Variants in SLCO1A2 observed in about 807,000 individuals in gnomAD.
The protein encoded by SLCO1A2 is solute carrier organic anion transporter family member 1A2.
SLCO1A2 carries 67 observed loss-of-function variants against 69.0 expected under a neutral mutation model. The ratio of observed to expected loss-of-function variants is 0.97; its 90% CI spans 0.80 to 1.19. The LOEUF (loss-of-function observed/expected upper bound fraction) is 1.19, where lower values mean the gene tolerates loss of function less well. Among genes scored for constraint, SLCO1A2 ranks in the 50% most tolerant of loss-of-function variants. The pLI, the probability that SLCO1A2 is intolerant of heterozygous loss-of-function variation, is 0.00. For missense variants in SLCO1A2, 787 were observed against 793.7 expected (o/e 0.99, Z 0.10); for synonymous variants, 260 against 265.9 (o/e 0.98, Z 0.22).
At chr12:21,417,690 G>A (rs1275974446) in intron 1 of SLCO1A2, among the ~76,000 whole-genome samples, 1 of 151,938 alleles carries the variant, frequency 6.6e-6, no homozygotes, top group Non-Finnish European at 1.5e-5. Context: ...GGAACTAATA[G>A]ACTCGATGAC....
chr12:21,294,279 C>A, intron 10 of SLCO1A2, 169 bp from the exon 11 acceptor site: 2 of 488,764 alleles, frequency 4.1e-6, no homozygotes, highest in Non-Finnish European at 7.1e-6. Flanking sequence ...ATAAAAGAGA[C>A]CTGCTTTGAT....
At chr12:21,290,522 T>G (rs1226612087) in intron 12 of SLCO1A2, among the ~76,000 whole-genome samples, 1 of 152,046 alleles carries the variant, frequency 6.6e-6, no homozygotes, top group Non-Finnish European at 1.5e-5. Context: ...TTATAAAAAC[T>G]TGAGATGGTG....
Position 21,284,343 on chromosome 12 carries a change from A to T in SLCO1A2, c.1610+7821T>A, listed in dbSNP as rs554042478. On this transcript the variant is annotated intron_variant, in intron 12 of 14. Transcript: ENST00000683939. ...GAAGACGGGTGATTTCTGCATTTCC[A>T]TCTGAGGTACCGGGTTTATCTCACT... Among the ~76,000 whole-genome samples, 6 of 152,290 alleles carry T rather than the reference A, an allele frequency of 3.9e-5. No individual in the cohort carries two copies. In the East Asian group the frequency reaches 1.2e-3, roughly 29 times the overall value.
At chr12:21,334,556 T>C (rs753906250) in intron 2 of SLCO1A2, 32 bp downstream of exon 2, 1 of 1,529,022 alleles carries the variant, frequency 6.5e-7, no homozygotes, top group Non-Finnish European at 9.0e-7. Flanking sequence ...CTAGTGTACA[T>C]GCACATATAT....
intron 4 of SLCO1A2, among the ~76,000 whole-genome samples, chr12:21,310,979 A>G (rs775422600): frequency 2.6e-5 from 4 of 152,178 alleles, no homozygotes; most frequent in African/African-American, 7.2e-5. Context: ...TGCAAGCCCT[A>G]CTGCTGCCTT....
At chr12:21,301,683 AG>A (rs1172276025) in intron 6 of SLCO1A2, among the ~76,000 whole-genome samples, 1 of 152,198 alleles carries the variant, frequency 6.6e-6, no homozygotes, top group African/African-American at 2.4e-5. Flanking sequence ...TCCTCAAAAA[AG>A]TTTCACTCTC....
intron 2 of SLCO1A2, among the ~76,000 whole-genome samples, chr12:21,325,009 C>T (rs1952102100): frequency 6.6e-6 from 1 of 152,142 alleles, no homozygotes; most frequent in Non-Finnish European, 1.5e-5. Context: ...CATAACAAGG[C>T]AGTAAATGTC....
chr12:21,309,362 A>T (rs1351292823), intron 4 of SLCO1A2, among the ~76,000 whole-genome samples: 1 of 152,202 alleles, frequency 6.6e-6, no homozygotes, highest in East Asian at 1.9e-4. Context: ...TGGAGGAGAC[A>T]GATTTATACC....
rs566077180 is a variant in SLCO1A2, at chr12:21,409,565, C to A, written c.-312+8317G>T. 3.9e-5 allele frequency among the ~76,000 whole-genome samples: 6 copies of A among 152,238 alleles called. No homozygotes were observed. In the South Asian group the frequency reaches 1.2e-3, roughly 32 times the overall value. ...GACCTTTATGGAAAAATTTGCTGATCTCTGGTGCAAAACAATGCTTCTGGT... is the reference window on the plus strand; with the variant it reads ...GACCTTTATGGAAAAATTTGCTGATATCTGGTGCAAAACAATGCTTCTGGT... On this transcript the variant is annotated intron_variant, in intron 1 of 4. Transcript: ENST00000413682.
chr12:21,391,611 G>T (rs1180350223), intron 1 of SLCO1A2, among the ~76,000 whole-genome samples: 1 of 152,010 alleles, frequency 6.6e-6, no homozygotes, highest in Non-Finnish European at 1.5e-5. Flanking sequence ...GATTTATGTG[G>T]TGACATCAGA....
chr12:21,379,397 C>T (rs947873706), intron 1 of SLCO1A2: 1 of 152,310 alleles, frequency 6.6e-6, no homozygotes, highest in Admixed American at 6.5e-5. Flanking sequence ...TTTCAGCAAA[C>T]CTCAGTCATA....
chr12:21,282,672 A>G (rs936550666), intron 12 of SLCO1A2, among the ~76,000 whole-genome samples: 3 of 152,144 alleles, frequency 2.0e-5, no homozygotes, highest in Admixed American at 1.3e-4. Context: ...AGATGATATG[A>G]TCTTCTATTT....
chr12:21,338,477 A>G (rs1952960912), upstream of SLCO1A2, among the ~76,000 whole-genome samples: 1 of 151,764 alleles, frequency 6.6e-6, no homozygotes, highest in Non-Finnish European at 1.5e-5. Context: ...TCCTCTTAGT[A>G]ATTTTCCATC....
At chr12:21,389,070 T>C (rs982495160) in intron 1 of SLCO1A2, among the ~76,000 whole-genome samples, 3 of 152,206 alleles carry the variant, frequency 2.0e-5, no homozygotes, top group Non-Finnish European at 4.4e-5. Context: ...CCTGTCAATA[T>C]TTGCGAGCTT....
At chr12:21,320,277 TTC>T (rs910485953) in intron 2 of SLCO1A2, among the ~76,000 whole-genome samples, 32 of 152,268 alleles carry the variant, frequency 2.1e-4, no homozygotes, top group African/African-American at 7.5e-4. Context: ...CCCAGCCACA[TTC>T]TCTCTCTTCA....
chr12:21,380,522 A>T (rs191350825), intron 1 of SLCO1A2, among the ~76,000 whole-genome samples: 1 of 152,340 alleles, frequency 6.6e-6, no homozygotes, highest in East Asian at 1.9e-4. Flanking sequence ...AAACATTTAA[A>T]CAAATTCAGC....
At chr12:21,337,942 G>C (rs1298803997), upstream of SLCO1A2, among the ~76,000 whole-genome samples, 1 of 151,900 alleles carries the variant, frequency 6.6e-6, no homozygotes, top group African/African-American at 2.4e-5. Flanking sequence ...GCAAAGCAAA[G>C]ACTGGAACTC....
At chr12:21,373,208 A>G (rs1160562220) in intron 2 of SLCO1A2, 1 of 685,026 alleles carries the variant, frequency 1.5e-6, no homozygotes, top group Non-Finnish European at 2.6e-6. Flanking sequence ...CTGTATCAAT[A>G]AAAATTTTGA....
intron 1 of SLCO1A2, among the ~76,000 whole-genome samples, chr12:21,385,991 C>T (rs1446990701): frequency 6.6e-6 from 1 of 152,122 alleles, no homozygotes; most frequent in African/African-American, 2.4e-5. Flanking sequence ...GTTTTCAGAG[C>T]TTTATTTGAT....
Sources: allele counts gnomAD v4.1 joint callset (sites outside exome capture counted in the v4.1 genomes callset), GRCh38; gene constraint gnomAD v4.1.1; transcripts MANE v1.5; gene names NCBI Gene and HGNC (gene_info 2026-07-23, HGNC 2026-07-21).